Variants in ERC2 observed in about 807,000 individuals in gnomAD.
The protein encoded by ERC2 is ERC protein 2.
Under a neutral mutation model 114.8 loss-of-function variants are expected in ERC2, and 42 were observed. That is an observed-to-expected ratio of 0.37 (90% confidence interval 0.29 to 0.47). The LOEUF is 0.47. ERC2 is among the 20% of genes least tolerant of loss of function. The probability of loss-of-function intolerance (pLI) is 0.99; values close to 1 mark genes in which losing one functional copy is unlikely to be tolerated. For synonymous variants in ERC2, 454 were observed against 425.5 expected, an observed-to-expected ratio of 1.07 and a Z score of -0.82; for missense variants, 939 against 1,150.7, an observed-to-expected ratio of 0.82 and a Z score of 2.66.
chr3:55,579,166 T>C (rs902180694), intron 17 of ERC2, among the ~76,000 whole-genome samples: 2 of 152,116 alleles, frequency 1.3e-5, no homozygotes, highest in Non-Finnish European at 2.9e-5. Context: ...ATCCTGAAAA[T>C]TGGGGACATT....
At chr3:56,371,604 A>G (rs2059365716) in intron 2 of ERC2, among the ~76,000 whole-genome samples, 1 of 152,216 alleles carries the variant, frequency 6.6e-6, no homozygotes, top group South Asian at 2.1e-4. Flanking sequence ...GCCTTGTGCA[A>G]GATACTAGAA....
intron 7 of ERC2, among the ~76,000 whole-genome samples, chr3:56,074,662 T>G (rs907232151): frequency 1.6e-4 from 25 of 152,294 alleles, no homozygotes; most frequent in African/African-American, 4.8e-4. Flanking sequence ...CATCCCTTTT[T>G]ACCTTCCTAG....
chr3:55,887,471 T>C (rs1462004441), intron 14 of ERC2, among the ~76,000 whole-genome samples: 2 of 149,260 alleles, frequency 1.3e-5, no homozygotes, highest in Non-Finnish European at 2.9e-5. Flanking sequence ...GTCTGTGTTA[T>C]AGGCTTAAGA....
intron 17 of ERC2, among the ~76,000 whole-genome samples, chr3:55,605,833 TG>T (rs1275637894): frequency 6.6e-6 from 1 of 152,206 alleles, no homozygotes; most frequent in Non-Finnish European, 1.5e-5. Context: ...TGTACAACAT[TG>T]ATGAACATAT....
chr3:55,851,462 G>T (rs191882900), intron 14 of ERC2, among the ~76,000 whole-genome samples: 1 of 152,080 alleles, frequency 6.6e-6, no homozygotes, highest in East Asian at 1.9e-4. Flanking sequence ...GACACACAAC[G>T]CATTCCAAGG....
At position 56,324,471 on chromosome 3, in the gene ERC2, C is replaced by T. The variant is rs534125664; in HGVS notation, c.658-28036G>A. Among the ~76,000 whole-genome samples, 15 of 152,306 alleles carry T rather than the reference C, an allele frequency of 9.8e-5. 1 individual carries two copies. The highest frequency in any genetic ancestry group is 8.3e-4 in the South Asian group (4 of 4,828). On this transcript the variant is annotated intron_variant, in intron 2 of 17. Transcript: ENST00000288221. Reference sequence around the variant, plus strand: ...ATAGCTTAGCATAGCCTATCTCAAACGTGCTCAGAACACTGACATTAGCCT... The same window carrying T: ...ATAGCTTAGCATAGCCTATCTCAAATGTGCTCAGAACACTGACATTAGCCT...
At chr3:55,683,699 A>G (rs1031275359) in intron 17 of ERC2, 95 bp downstream of exon 17, 5 of 1,034,880 alleles carry the variant, frequency 4.8e-6, no homozygotes, top group Non-Finnish European at 7.2e-6. Context: ...ACAGGGCACA[A>G]TTCACAAACA....
intron 17 of ERC2, among the ~76,000 whole-genome samples, chr3:55,578,612 T>C (rs2057104883): frequency 6.6e-6 from 1 of 152,256 alleles, no homozygotes; most frequent in South Asian, 2.1e-4. Flanking sequence ...AGTCTCCCTG[T>C]ATTAGTTAGC....
intron 14 of ERC2, among the ~76,000 whole-genome samples, chr3:55,816,477 C>T (rs886569853): frequency 5.3e-5 from 8 of 152,158 alleles, no homozygotes; most frequent in Non-Finnish European, 1.2e-4. Context: ...GCATTATTCC[C>T]ATTTACTAGT....
chr3:56,426,119 A>T (rs2061561725), intron 2 of ERC2, among the ~76,000 whole-genome samples: 1 of 152,236 alleles, frequency 6.6e-6, no homozygotes, highest in South Asian at 2.1e-4. Context: ...CCAGATTTCC[A>T]CTTGGGTTTC....
intron 16 of ERC2, among the ~76,000 whole-genome samples, chr3:55,693,901 G>A (rs2062797093): frequency 6.6e-6 from 1 of 152,018 alleles, no homozygotes; most frequent in Non-Finnish European, 1.5e-5. Context: ...TAGAGATGGG[G>A]TTTCAGCACA....
chr3:55,526,101 AT>A (rs1266443287), intron 17 of ERC2, among the ~76,000 whole-genome samples: 2 of 152,166 alleles, frequency 1.3e-5, no homozygotes, highest in Admixed American at 1.3e-4. Context: ...CCATGGGGTG[AT>A]GGAAGCAGAG....
chr3:56,245,986 G>A lies in ERC2; in HGVS notation c.1074+50033C>T, dbSNP rs186352014. On this transcript the variant is annotated intron_variant, in intron 3 of 17. Transcript: ENST00000288221. ...ATTTTTCATGGCTTTTTCAAGATTA[G>A]TCCACCAGCTTTTATGTCCTAAAGT... Among the ~76,000 whole-genome samples the A allele has an allele frequency of 6.2e-3, 936 of 150,756 alleles. 3 individuals carry two copies. Among genetic ancestry groups the A allele is most frequent in the Non-Finnish European group, 0.01 (704 of 67,848 alleles).
At chr3:56,382,712 CT>C (rs1265608560) in intron 2 of ERC2, among the ~76,000 whole-genome samples, 1 of 152,050 alleles carries the variant, frequency 6.6e-6, no homozygotes, top group African/African-American at 2.4e-5. Flanking sequence ...CTCTGGCCAC[CT>C]TTTTTTCTCT....
At chr3:55,645,211 T>G (rs1441973882) in intron 17 of ERC2, among the ~76,000 whole-genome samples, 1 of 152,226 alleles carries the variant, frequency 6.6e-6, no homozygotes. Flanking sequence ...CTTGCCAGTT[T>G]TATAAAGAAC....
intron 9 of ERC2, among the ~76,000 whole-genome samples, chr3:56,009,715 C>T (rs967908889): frequency 5.3e-5 from 8 of 152,174 alleles, no homozygotes; most frequent in African/African-American, 1.7e-4. Context: ...GCTGCTCATA[C>T]TTCTCCACCG....
chr3:56,192,677 A>G (rs2047863066), intron 3 of ERC2, among the ~76,000 whole-genome samples: 1 of 152,138 alleles, frequency 6.6e-6, no homozygotes. Flanking sequence ...CAGGAGTGGG[A>G]ATCACCATAA....
chr3:56,040,922 C>T (rs2075154964), intron 7 of ERC2, among the ~76,000 whole-genome samples: 1 of 151,612 alleles, frequency 6.6e-6, no homozygotes, highest in Non-Finnish European at 1.5e-5. Flanking sequence ...TTCAGTGATT[C>T]TATCTTCTGT....
intron 2 of ERC2, among the ~76,000 whole-genome samples, chr3:56,339,772 C>T (rs1484943767): frequency 6.6e-6 from 1 of 152,066 alleles, no homozygotes; most frequent in Non-Finnish European, 1.5e-5. Context: ...AATTTCCCAC[C>T]CTATGGTATA....
Sources: allele counts gnomAD v4.1 joint callset (sites outside exome capture counted in the v4.1 genomes callset), GRCh38; gene constraint gnomAD v4.1.1; transcripts MANE v1.5; gene names NCBI Gene and HGNC (gene_info 2026-07-23, HGNC 2026-07-21).